Variants in MAGI3 observed in about 807,000 individuals in gnomAD.
MAGI3 encodes membrane-associated guanylate kinase, WW and PDZ domain-containing protein 3.
Under a neutral mutation model 121.8 loss-of-function variants are expected in MAGI3, and 43 were observed. The ratio of observed to expected loss-of-function variants is 0.35; its 90% confidence interval spans 0.28 to 0.46. The LOEUF (loss-of-function observed/expected upper bound fraction) is 0.46. MAGI3 is among the 20% of genes least tolerant of loss of function. The pLI, the probability that MAGI3 is intolerant of heterozygous loss-of-function variation, is 1.00. For synonymous variants in MAGI3, 553 were observed against 639.3 expected, an observed-to-expected ratio of 0.86 and a Z score of 2.04; for missense variants, 1,547 against 1,797.3, an observed-to-expected ratio of 0.86 and a Z score of 2.52.
At chr1:113,417,846 A>G (rs1652533773) in intron 1 of MAGI3, among the ~76,000 whole-genome samples, 1 of 152,158 alleles carries the variant, frequency 6.6e-6, no homozygotes, top group Admixed American at 6.5e-5. Context: ...AGTAGGTAAT[A>G]GATATTTTCT....
chr1:113,541,371 A>G (rs941777648), intron 1 of MAGI3, among the ~76,000 whole-genome samples: 4 of 152,328 alleles, frequency 2.6e-5, no homozygotes, highest in East Asian at 1.9e-4. Flanking sequence ...TGGTGGCTCT[A>G]TTATGTAGAA....
At chr1:113,416,017 ATG>A (rs1652289836) in intron 1 of MAGI3, among the ~76,000 whole-genome samples, 4 of 111,928 alleles carry the variant, frequency 3.6e-5, no homozygotes, top group Non-Finnish European at 7.4e-5. Context: ...TATATTAATT[ATG>A]TAATTAATGA....
intron 1 of MAGI3, among the ~76,000 whole-genome samples, chr1:113,405,941 G>A (rs1370653306): frequency 6.6e-6 from 1 of 151,920 alleles, no homozygotes; most frequent in African/African-American, 2.4e-5. Context: ...GTTGTGTTTG[G>A]TTTTGCTTAC....
chr1:113,675,803 A>G (rs1647831838), intron 19 of MAGI3, among the ~76,000 whole-genome samples: 1 of 152,228 alleles, frequency 6.6e-6, no homozygotes, highest in South Asian at 2.1e-4. Flanking sequence ...TGCTGAATCT[A>G]CTTTCTTATA....
At chr1:113,419,373 G>A (rs1428264418) in intron 1 of MAGI3, among the ~76,000 whole-genome samples, 1 of 152,150 alleles carries the variant, frequency 6.6e-6, no homozygotes, top group Non-Finnish European at 1.5e-5. Flanking sequence ...AGGAATAGAG[G>A]AATGAGGCCT....
intron 1 of MAGI3, among the ~76,000 whole-genome samples, chr1:113,402,796 C>A (rs977195771): frequency 6.6e-6 from 1 of 152,038 alleles, no homozygotes; most frequent in Non-Finnish European, 1.5e-5. Context: ...GGGTGCGGGA[C>A]AAGAAGATGT....
intron 2 of MAGI3, among the ~76,000 whole-genome samples, chr1:113,563,337 G>A (rs1660314914): frequency 6.6e-6 from 1 of 152,156 alleles, no homozygotes. Flanking sequence ...TTTTTTGCCT[G>A]CTTGTGATAC....
At chr1:113,583,060 C>T (rs957330395) in intron 3 of MAGI3, among the ~76,000 whole-genome samples, 2 of 151,506 alleles carry the variant, frequency 1.3e-5, no homozygotes, top group African/African-American at 4.8e-5. Context: ...GGTTCACAAA[C>T]CTTGGAATTG....
At chr1:113,475,622 G>C (rs1037052719) in intron 1 of MAGI3, among the ~76,000 whole-genome samples, 1 of 152,094 alleles carries the variant, frequency 6.6e-6, no homozygotes, top group Non-Finnish European at 1.5e-5. Context: ...TGTGCTGCTG[G>C]GTTCAGTTTG....
intron 16 of MAGI3, among the ~76,000 whole-genome samples, chr1:113,670,727 A>G (rs1317666664): frequency 6.6e-6 from 1 of 152,214 alleles, no homozygotes; most frequent in Non-Finnish European, 1.5e-5. Context: ...AAGCATGTAT[A>G]TTTATAAGCT....
intron 1 of MAGI3, among the ~76,000 whole-genome samples, chr1:113,483,579 C>A (rs1656212694): frequency 6.6e-6 from 1 of 152,146 alleles, no homozygotes; most frequent in Non-Finnish European, 1.5e-5. Flanking sequence ...GTTTAAGCAA[C>A]CCAACCTGTG....
intron 15 of MAGI3, 41 bp downstream of exon 15, chr1:113,654,059 A>G (rs747936717): frequency 6.7e-7 from 1 of 1,496,904 alleles, no homozygotes; most frequent in Non-Finnish European, 9.1e-7. Context: ...CTGCAAGTCC[A>G]GTTTTCTGAG....
intron 16 of MAGI3, among the ~76,000 whole-genome samples, chr1:113,666,986 C>T (rs971075341): frequency 1.8e-4 from 27 of 152,164 alleles, no homozygotes; most frequent in African/African-American, 6.5e-4. Context: ...TAGGTCTCAA[C>T]AGTGGGATTA....
chr1:113,618,663 G>T, intron 7 of MAGI3: 1 of 316,954 alleles, frequency 3.2e-6, no homozygotes, highest in Admixed American at 4.4e-5. Flanking sequence ...GCACCACCAC[G>T]CCCAGCTTAT....
chr1:113,427,745 A>C (rs961769985), intron 1 of MAGI3, among the ~76,000 whole-genome samples: 3 of 152,254 alleles, frequency 2.0e-5, no homozygotes, highest in Non-Finnish European at 2.9e-5. Context: ...GTCAGGACTG[A>C]AAGTCTCAAT....
At chr1:113,542,057 TC>T (rs1374301908) in intron 1 of MAGI3, among the ~76,000 whole-genome samples, 6 of 152,118 alleles carry the variant, frequency 3.9e-5, no homozygotes, top group Non-Finnish European at 7.3e-5. Context: ...TTCCCATAAC[TC>T]CCAGATTTAG....
intron 2 of MAGI3, among the ~76,000 whole-genome samples, chr1:113,560,717 C>T (rs1469767587): frequency 2.6e-5 from 4 of 151,804 alleles, no homozygotes; most frequent in East Asian, 1.9e-4. Context: ...ACTAGAGAAC[C>T]AAGAGCAAAC....
chr1:113,437,129 A>T (rs981516131), intron 1 of MAGI3, among the ~76,000 whole-genome samples: 1 of 151,816 alleles, frequency 6.6e-6, no homozygotes, highest in Non-Finnish European at 1.5e-5. Flanking sequence ...AATATTTTTT[A>T]TCTCCCTTTA....
chr1:113,513,136 G>C (rs999690044), intron 1 of MAGI3, among the ~76,000 whole-genome samples: 6 of 152,044 alleles, frequency 3.9e-5, no homozygotes, highest in Non-Finnish European at 5.9e-5. Flanking sequence ...AGGATACAAA[G>C]AAATGGAAGA....
Sources: allele counts gnomAD v4.1 joint callset (sites outside exome capture counted in the v4.1 genomes callset), GRCh38; gene constraint gnomAD v4.1.1; transcripts MANE v1.5; gene names NCBI Gene and HGNC (gene_info 2026-07-23, HGNC 2026-07-21).